Variants in INTS6 observed in about 807,000 individuals in gnomAD.
The protein encoded by INTS6 is integrator complex subunit 6.
INTS6 carries 16 observed loss-of-function variants against 104.9 expected under a neutral mutation model. The ratio of observed to expected loss-of-function variants is 0.15; its 90% CI spans 0.10 to 0.23. The LOEUF (loss-of-function observed/expected upper bound fraction) is 0.23. Among genes scored for constraint, INTS6 ranks in the 10% least tolerant of loss-of-function variants. The pLI, the probability that INTS6 is intolerant of heterozygous loss-of-function variation, is 1.00. For synonymous variants in INTS6, 324 were observed against 358.7 expected (o/e 0.90, Z 1.09); for missense variants, 584 against 1,062.8 (o/e 0.55, Z 6.26).
At chr13:51,428,756 C>A (rs987389839) in intron 4 of INTS6, among the ~76,000 whole-genome samples, 3 of 152,164 alleles carry the variant, frequency 2.0e-5, no homozygotes, top group Non-Finnish European at 2.9e-5. Context: ...AGCTACAGAG[C>A]ATTCCAAGGC....
chr13:51,427,427 C>G (rs1957004060), intron 4 of INTS6, among the ~76,000 whole-genome samples: 1 of 152,058 alleles, frequency 6.6e-6, no homozygotes, highest in Non-Finnish European at 1.5e-5. Context: ...AAGAACAATA[C>G]AAAAAGCATC....
chr13:51,380,966 C>T (rs988242890), intron 10 of INTS6, among the ~76,000 whole-genome samples: 8 of 152,000 alleles, frequency 5.3e-5, no homozygotes, highest in African/African-American at 1.7e-4. Context: ...CTATGGATTC[C>T]GTATTCTGTG....
the INTS6 span, among the ~76,000 whole-genome samples, chr13:51,335,365 A>T: frequency 6.6e-6 from 1 of 152,234 alleles, no homozygotes; most frequent in Non-Finnish European, 1.5e-5. Context: ...TCAGAAGAGG[A>T]AACAGAAAAG....
At chr13:51,344,000 T>C in the INTS6 span, among the ~76,000 whole-genome samples, 1 of 152,270 alleles carries the variant, frequency 6.6e-6, no homozygotes, top group African/African-American at 2.4e-5. Context: ...AGTGTTTTTC[T>C]ATTTGACTTC....
chr13:51,361,521 T>G (rs1955574864), downstream of INTS6: 4 of 610,038 alleles, frequency 6.6e-6, no homozygotes, highest in Non-Finnish European at 1.1e-5. Context: ...AACAAAAAGT[T>G]TTTGAAAAAT....
Position 51,362,028 on chromosome 13 carries a change from G to A in INTS6, c.*3724C>T. ...TTTATGGTGCTTCAGAAGCTACCCA[G>A]TTGCTATCTTCTATCCTAAGAAAGG... On this transcript the variant is annotated 3_prime_UTR_variant, in exon 18 of 18. Transcript: ENST00000311234. 2 of 1,601,790 alleles carry A rather than the reference G, an allele frequency of 1.2e-6. No individual in the cohort carries two copies. The highest frequency in any genetic ancestry group is 1.7e-6 in the Non-Finnish European group (2 of 1,175,294).
intron 4 of INTS6, among the ~76,000 whole-genome samples, chr13:51,420,106 A>AC (rs1248213147): frequency 2.0e-5 from 3 of 152,068 alleles, no homozygotes; most frequent in African/African-American, 7.2e-5. Flanking sequence ...ATGTTTGCTG[A>AC]CCCCTAGTAT....
chr13:51,384,706 C>A (rs1422968977), intron 7 of INTS6: 7 of 456,648 alleles, frequency 1.5e-5, no homozygotes, highest in South Asian at 3.1e-5. Flanking sequence ...GTCACAAAGA[C>A]CTGGATAAAC....
chr13:51,413,783 C>T (rs1379327402), intron 4 of INTS6, among the ~76,000 whole-genome samples: 2 of 152,128 alleles, frequency 1.3e-5, no homozygotes, highest in Non-Finnish European at 2.9e-5. Flanking sequence ...CCATATACCA[C>T]GTCCTAATAC....
chr13:51,359,659 T>G (rs1031562976), downstream of INTS6, among the ~76,000 whole-genome samples: 1 of 152,166 alleles, frequency 6.6e-6, no homozygotes, highest in South Asian at 2.1e-4. Context: ...TGATAAGGGG[T>G]TTCATAGTGA....
At chr13:51,375,999 C>G in intron 13 of INTS6, 49 bp downstream of exon 13, 1 of 1,499,608 alleles carries the variant, frequency 6.7e-7, no homozygotes, top group South Asian at 1.3e-5. Flanking sequence ...CTTTTTCAGA[C>G]TATAAAGAAA....
In INTS6 at chr13:51,452,721, T is replaced by C. The variant is rs1448129178; in HGVS notation, c.-196A>G. ...TTGAGAGGAAACTCCCCAGACCCAG[T>C]GCTCCCCGTCGTACCCCCGCCTCCG... On this transcript the variant is annotated 5_prime_UTR_variant, in exon 1 of 18. Transcript: ENST00000311234. This position sits in a 1 kb window ranked among gnomAD's most constrained non-coding sequence, Gnocchi z 4.2. 5 of 1,284,594 alleles carry C rather than the reference T, an allele frequency of 3.9e-6. No homozygotes were observed. Among genetic ancestry groups the C allele is most frequent in the Non-Finnish European group, 2.0e-6 (2 of 1,014,026 alleles). The allele number at this position is 1,284,594 out of a possible 1,614,324, so 79.6% of individuals were successfully genotyped here.
At chr13:51,376,016 T>G (rs2137892846) in intron 13 of INTS6, 32 bp downstream of exon 13, 1 of 1,554,030 alleles carries the variant, frequency 6.4e-7, no homozygotes, top group South Asian at 1.2e-5. Context: ...GAAAAAAAAT[T>G]AAAAATACCA....
downstream of INTS6, chr13:51,361,263 A>G: frequency 6.3e-7 from 1 of 1,576,256 alleles, no homozygotes. Context: ...CATTTTTATC[A>G]TTTTCTGTGG....
At chr13:51,348,268 G>A in the INTS6 span, 7 of 1,609,456 alleles carry the variant, frequency 4.3e-6, no homozygotes, top group Non-Finnish European at 5.9e-6. Context: ...TTCCTTACCT[G>A]GGAAGTGCAG....
intron 10 of INTS6, among the ~76,000 whole-genome samples, chr13:51,379,965 C>A (rs984823902): frequency 6.6e-6 from 1 of 151,938 alleles, no homozygotes; most frequent in Non-Finnish European, 1.5e-5. Flanking sequence ...GCTGCTCAAC[C>A]ACTCACTAGT....
At chr13:51,355,152 GGTTC>G (rs1325806290) in intron 3 of INTS6, 2 of 1,407,058 alleles carry the variant, frequency 1.4e-6, no homozygotes, top group East Asian at 5.0e-5. Context: ...AGGTAAAAAC[GGTTC>G]TTCTTCCAAA....
the INTS6 span, chr13:51,341,274 G>A: frequency 6.2e-7 from 1 of 1,613,944 alleles, no homozygotes; most frequent in Admixed American, 1.7e-5. Flanking sequence ...CCCTCCCCCT[G>A]GAGATCCTGC....
intron 3 of INTS6, chr13:51,440,017 T>A (rs375011810): frequency 6.6e-6 from 1 of 152,518 alleles, no homozygotes; most frequent in East Asian, 1.9e-4. Flanking sequence ...GGCGGGCGGA[T>A]CATGAGGTCA....
Sources: allele counts gnomAD v4.1 joint callset (sites outside exome capture counted in the v4.1 genomes callset), GRCh38; gene constraint gnomAD v4.1.1; non-coding constraint Gnocchi (gnomAD v3.1); transcripts MANE v1.5; gene names NCBI Gene and HGNC (gene_info 2026-07-23, HGNC 2026-07-21).